The following CNTNAP2 variants were observed in gnomAD, a reference collection of about 807,000 sequenced individuals.
CNTNAP2 encodes contactin-associated protein-like 2.
CNTNAP2 carries 98 observed loss-of-function variants against 155.2 expected under a neutral mutation model. The observed-to-expected ratio is 0.63, with a 90% CI of 0.54 to 0.75. CNTNAP2 has a LOEUF of 0.75. Ranked by LOEUF, CNTNAP2 falls within the 30% of genes least tolerant of loss-of-function variation. The pLI is 0.00. For missense variants in CNTNAP2, 1,727 were observed against 1,688.1 expected, an observed-to-expected ratio of 1.02 and a Z score of -0.40; for synonymous variants, 651 against 631.2, an observed-to-expected ratio of 1.03 and a Z score of -0.47.
chr7:146,744,185 A>T (rs1801769221), intron 1 of CNTNAP2, among the ~76,000 whole-genome samples: 1 of 139,656 alleles, frequency 7.2e-6, no homozygotes, highest in South Asian at 2.3e-4. Context: ...CAGAGATCGC[A>T]CTATTGCACT....
chr7:147,201,442 C>T (rs1802919191), intron 8 of CNTNAP2, among the ~76,000 whole-genome samples: 1 of 152,148 alleles, frequency 6.6e-6, no homozygotes, highest in African/African-American at 2.4e-5. Flanking sequence ...ATTTAACTCT[C>T]ATGCTCAGTT....
chr7:147,220,582 G>C (rs563992025), intron 8 of CNTNAP2, among the ~76,000 whole-genome samples: 14 of 152,226 alleles, frequency 9.2e-5, no homozygotes, highest in African/African-American at 3.4e-4. Flanking sequence ...ATTTAGTACT[G>C]CTTTGTATTT....
chr7:147,012,171 T>C (rs1228607439), intron 3 of CNTNAP2, among the ~76,000 whole-genome samples: 2 of 152,162 alleles, frequency 1.3e-5, no homozygotes, highest in African/African-American at 4.8e-5. Context: ...GAGTCACCCC[T>C]TTTCTGCTCC....
intron 1 of CNTNAP2, among the ~76,000 whole-genome samples, chr7:146,691,680 T>C (rs908798085): frequency 1.3e-5 from 2 of 152,130 alleles, no homozygotes; most frequent in Non-Finnish European, 2.9e-5. Context: ...GTGTTTCCAA[T>C]GTTTCTTTAC....
At chr7:146,663,243 C>A (rs1174092344) in intron 1 of CNTNAP2, among the ~76,000 whole-genome samples, 3 of 140,354 alleles carry the variant, frequency 2.1e-5, no homozygotes, top group African/African-American at 8.6e-5. Flanking sequence ...AGCCATTGCA[C>A]CTCAGCCTGG....
At position 146,923,318 on chromosome 7, in the gene CNTNAP2, A is replaced by G. The variant is rs182511546; in HGVS notation, c.402+83414A>G. ...AACACATGTTCACTGAGTGTTTACT[A>G]TGTATGGGGCATTGTGATGAAGTTT... On this transcript the variant is annotated intron_variant, in intron 3 of 23. Transcript: ENST00000361727. 2.6e-3 allele frequency among the ~76,000 whole-genome samples: 402 copies of G among 152,268 alleles called. 3 individuals carry two copies. The highest frequency in any genetic ancestry group is 0.017 in the Middle Eastern group (5 of 294).
intron 1 of CNTNAP2, among the ~76,000 whole-genome samples, chr7:146,144,972 C>T (rs1797936735): frequency 6.6e-6 from 1 of 152,084 alleles, no homozygotes; most frequent in African/African-American, 2.4e-5. Context: ...TCAGGGTTGG[C>T]AGTAGCTCAT....
chr7:148,403,709 G>C (rs1799637892), intron 22 of CNTNAP2, among the ~76,000 whole-genome samples: 1 of 152,198 alleles, frequency 6.6e-6, no homozygotes, highest in Non-Finnish European at 1.5e-5. Context: ...GAGGATGTTT[G>C]TTCCCAGGGG....
chr7:147,564,266 T>A (rs1032296333), intron 12 of CNTNAP2, among the ~76,000 whole-genome samples: 15 of 140,564 alleles, frequency 1.1e-4, no homozygotes, highest in Non-Finnish European at 1.8e-4. Flanking sequence ...AGCTCCCAGT[T>A]TAATTTTTTT....
At chr7:146,404,134 A>AAAAAC (rs1554429088) in intron 1 of CNTNAP2, among the ~76,000 whole-genome samples, 1 of 150,202 alleles carries the variant, frequency 6.7e-6, no homozygotes, top group Non-Finnish European at 1.5e-5. Flanking sequence ...CAAAAAAAAA[A>AAAAAC]AAAAAAAACA....
At chr7:146,651,627 T>C (rs907489618) in intron 1 of CNTNAP2, among the ~76,000 whole-genome samples, 3 of 152,162 alleles carry the variant, frequency 2.0e-5, no homozygotes, top group African/African-American at 4.8e-5. Context: ...AGATAGAAAC[T>C]GTTATCTGTA....
intron 20 of CNTNAP2, among the ~76,000 whole-genome samples, chr7:148,233,217 G>A (rs1041506598): frequency 6.6e-6 from 1 of 152,202 alleles, no homozygotes; most frequent in African/African-American, 2.4e-5. Context: ...AAAGCCTTGT[G>A]CAACTAACCC....
intron 18 of CNTNAP2, among the ~76,000 whole-genome samples, chr7:148,183,162 G>A (rs1795064791): frequency 6.6e-6 from 1 of 152,216 alleles, no homozygotes. Flanking sequence ...GGAATGCAAT[G>A]GAGGGGATAG....
intron 12 of CNTNAP2, among the ~76,000 whole-genome samples, chr7:147,601,279 C>T (rs562737572): frequency 1.7e-4 from 26 of 151,954 alleles, no homozygotes; most frequent in African/African-American, 6.0e-4. Flanking sequence ...CGGGTGCAGG[C>T]GGGCTGAGTC....
intron 1 of CNTNAP2, among the ~76,000 whole-genome samples, chr7:146,570,423 A>G (rs975679227): frequency 3.3e-5 from 5 of 152,166 alleles, no homozygotes; most frequent in African/African-American, 9.7e-5. Context: ...AATAATTGCT[A>G]TCTGCATCTG....
intron 8 of CNTNAP2, among the ~76,000 whole-genome samples, chr7:147,201,968 A>C (rs914834541): frequency 2.6e-5 from 4 of 152,204 alleles, no homozygotes; most frequent in Non-Finnish European, 5.9e-5. Context: ...ACTTGAGCTT[A>C]CACAATAGAA....
chr7:147,704,615 C>A (rs1272379265), intron 13 of CNTNAP2: 1 of 154,086 alleles, frequency 6.5e-6, no homozygotes, highest in Admixed American at 6.5e-5. Context: ...AGGGATAATT[C>A]CCTCTTCTTC....
chr7:148,099,581 A>G (rs769865622), intron 15 of CNTNAP2, among the ~76,000 whole-genome samples: 6 of 151,886 alleles, frequency 4.0e-5, no homozygotes, highest in Non-Finnish European at 8.8e-5. Flanking sequence ...TTTTCCCCCA[A>G]TGGCTGCAGT....
At chr7:148,280,144 C>T (rs1275767704) in intron 21 of CNTNAP2, among the ~76,000 whole-genome samples, 1 of 151,836 alleles carries the variant, frequency 6.6e-6, no homozygotes, top group African/African-American at 2.4e-5. Context: ...TCTGTCTCTA[C>T]TAAAAATATA....
Sources: allele counts gnomAD v4.1 joint callset (sites outside exome capture counted in the v4.1 genomes callset), GRCh38; gene constraint gnomAD v4.1.1; transcripts MANE v1.5; gene names NCBI Gene and HGNC (gene_info 2026-07-23, HGNC 2026-07-21).